The following TIGAR variants were observed in gnomAD, a reference collection of about 807,000 sequenced individuals.
TIGAR encodes the protein TP53 induced glycolysis regulatory phosphatase.
Under a neutral mutation model 17.9 loss-of-function variants are expected in TIGAR, and 7 were observed. The observed-to-expected ratio is 0.39, with a 90% confidence interval of 0.22 to 0.73. The LOEUF is 0.73. TIGAR is among the 30% of genes least tolerant of loss of function. The pLI is 0.42. For missense variants in TIGAR, 258 were observed against 327.4 expected, an observed-to-expected ratio of 0.79 and a Z score of 1.64; for synonymous variants, 94 against 108.6, an observed-to-expected ratio of 0.87 and a Z score of 0.84.
At chr12:4,324,718 T>A in intron 1 of TIGAR, 1 of 722,092 alleles carries the variant, frequency 1.4e-6, no homozygotes, top group Non-Finnish European at 2.2e-6. Context: ...CGTCAGCTGC[T>A]CGCAGGACAC....
intron 1 of TIGAR, among the ~76,000 whole-genome samples, chr12:4,329,771 G>GT (rs2120652835): frequency 6.6e-6 from 1 of 152,222 alleles, no homozygotes; most frequent in East Asian, 1.9e-4. Context: ...ATTCACTGAA[G>GT]TTCTGTCATT....
chr12:4,352,849 C>T lies in TIGAR; in HGVS notation c.*158C>T. The stretch of plus-strand genomic sequence containing the variant: ...AGCCACATAAAACTTTAATGGACAA[C>T]CATATAGAATTAACTTATTTTGTCC... On this transcript the variant is annotated 3_prime_UTR_variant, in exon 6 of 6. Transcript: ENST00000179259. The T allele has an allele frequency of 1.6e-6, 1 of 636,638 alleles. No homozygotes were observed. Among genetic ancestry groups the T allele is most frequent in the Non-Finnish European group, 2.6e-6 (1 of 379,134 alleles). The allele number at this position is 636,638 out of a possible 1,614,324, so 39.4% of individuals were successfully genotyped here.
chr12:4,348,894 C>T (rs1187621101), intron 3 of TIGAR, among the ~76,000 whole-genome samples: 1 of 152,134 alleles, frequency 6.6e-6, no homozygotes, highest in Non-Finnish European at 1.5e-5. Context: ...ACATGACTTA[C>T]CCGATGGAGT....
Position 4,352,601 on chromosome 12 carries a change from C to T in TIGAR, c.723C>T (p.Asn241=). The change falls in exon 6 of 6, where the codon AAC becomes AAT. Residue 241 remains asparagine (N), a synonymous_variant. Transcript: ENST00000179259. ...CAGGGATGAGTCTCTTTATCATAAACTTTGAGGAAGGAAGAGAAGTTAAAC... is the reference window on the plus strand; with the variant it reads ...CAGGGATGAGTCTCTTTATCATAAATTTTGAGGAAGGAAGAGAAGTTAAAC... The part of the protein sequence containing the change: ...PNTGMSLFII[N]FEEGREVKPT... 1.2e-6 allele frequency: 2 copies of T among 1,612,578 alleles called. No individual in the cohort carries two copies. Among genetic ancestry groups the T allele is most frequent in the Non-Finnish European group, 1.7e-6 (2 of 1,180,014 alleles).
In TIGAR at chr12:4,321,221, G is replaced by C. The variant is rs761117628; in HGVS notation, c.-51G>C. 1 of 1,598,562 alleles carries C rather than the reference G, an allele frequency of 6.3e-7. No individual in the cohort carries two copies. Among genetic ancestry groups the C allele is most frequent in the Non-Finnish European group, 8.5e-7 (1 of 1,179,024 alleles). On this transcript the variant is annotated 5_prime_UTR_variant, in exon 1 of 6. Transcript: ENST00000179259. This position sits in a 1 kb window ranked among gnomAD's most constrained non-coding sequence, Gnocchi z 5.2. ...AGTGGTGTGGGGGAGGTAGCCCGCA[G>C]TGCAGGGGCAGCGCGGCGCGGGGCC...
chr12:4,344,009 A>G (rs890854037), intron 3 of TIGAR, among the ~76,000 whole-genome samples: 13 of 152,316 alleles, frequency 8.5e-5, no homozygotes, highest in Non-Finnish European at 1.8e-4. Flanking sequence ...AAGAGAGAAG[A>G]ATCAAATGGA....
intron 4 of TIGAR, among the ~76,000 whole-genome samples, chr12:4,350,836 A>C (rs1476331295): frequency 6.6e-6 from 1 of 152,056 alleles, no homozygotes; most frequent in Non-Finnish European, 1.5e-5. Context: ...TCTGAAACTC[A>C]ACTTCCTTAT....
intron 3 of TIGAR, among the ~76,000 whole-genome samples, chr12:4,338,804 A>T (rs1397763390): frequency 6.6e-6 from 1 of 151,842 alleles, no homozygotes; most frequent in Admixed American, 6.6e-5. Flanking sequence ...ACGGTGAAAC[A>T]CCGTCTCCAC....
intron 1 of TIGAR, among the ~76,000 whole-genome samples, chr12:4,325,369 T>G (rs1240490995): frequency 6.6e-6 from 1 of 152,244 alleles, no homozygotes; most frequent in Non-Finnish European, 1.5e-5. Flanking sequence ...TTAGCTCATC[T>G]GTAATTTAGT....
At chr12:4,324,778 G>C (rs983139030) in intron 1 of TIGAR, 6 of 658,090 alleles carry the variant, frequency 9.1e-6, no homozygotes, top group African/African-American at 5.4e-5. Flanking sequence ...GTGAGTTTGC[G>C]GAAGGTCCGC....
intron 1 of TIGAR, chr12:4,324,348 T>G: frequency 1.2e-6 from 1 of 800,132 alleles, no homozygotes; most frequent in Non-Finnish European, 2.1e-6. Flanking sequence ...TTTGGAAATA[T>G]GTGTGCCTTT....
At chr12:4,325,046 G>A (rs1864529177) in intron 1 of TIGAR, among the ~76,000 whole-genome samples, 1 of 151,578 alleles carries the variant, frequency 6.6e-6, no homozygotes, top group Non-Finnish European at 1.5e-5. Context: ...GGGTTCAAGC[G>A]ATTCTCCTGC....
At position 4,333,294 on chromosome 12, in the gene TIGAR, C is replaced by CTT. The variant is rs34834660; in HGVS notation, c.70+1989_70+1990dup. On this transcript the variant is annotated intron_variant, in intron 2 of 5. Coordinates refer to ENST00000179259, the MANE Select transcript of TIGAR (RefSeq NM_020375.3). ...TCTTTTGAAAATATATATAAGTTGT[C>CTT]TTTTTTTTTTTTTGAGACAGAGTCT... Among the ~76,000 whole-genome samples the CTT allele has an allele frequency of 8.6e-3, 1,231 of 143,030 alleles. 16 individuals are homozygous for CTT. Among genetic ancestry groups the CTT allele is most frequent in the African/African-American group, 0.028 (1,083 of 38,820 alleles). The allele number at this position is 143,030 out of a possible 152,430, so 93.8% of individuals were successfully genotyped here. A position where few individuals can be genotyped will look rare whatever the true frequency, so the allele number is the denominator to read the frequency against.
rs1864942171 is a variant in TIGAR, at chr12:4,358,767, CTG to C, written c.*6082_*6083del. ...AATCAAGAATCCAATCAATCCAGGACTGTGTGTTGTGTTGCATTTAGTTGTCA... is the reference window on the plus strand; with the variant it reads ...AATCAAGAATCCAATCAATCCAGGACTGTGTTGTGTTGCATTTAGTTGTCA... On this transcript the variant is annotated 3_prime_UTR_variant, in exon 6 of 6. Coordinates refer to ENST00000179259, the MANE Select transcript of TIGAR (RefSeq NM_020375.3). Among the ~76,000 whole-genome samples the C allele has an allele frequency of 6.7e-6, 1 of 150,196 alleles. No homozygotes were observed.
In TIGAR at chr12:4,346,280, CAT is replaced by C. The variant is rs1864779280; in HGVS notation, c.193-3538_193-3537del. Among the ~76,000 whole-genome samples, 12 of 152,312 alleles carry C rather than the reference CAT, an allele frequency of 7.9e-5. 2 individuals carry two copies. The South Asian group carries it at 2.5e-3, about 32-fold the overall frequency. ...GGTATATACCCAAAGGATTATAAAT[CAT>C]GTGCTATAAAGACACATACACATGT... On this transcript the variant is annotated intron_variant, in intron 3 of 5. Transcript: ENST00000179259.
chr12:4,337,888 T>A (rs1864677703), intron 3 of TIGAR, among the ~76,000 whole-genome samples: 1 of 152,206 alleles, frequency 6.6e-6, no homozygotes, highest in Admixed American at 6.5e-5. Flanking sequence ...CCCTGCACTT[T>A]GGGAGGCCGA....
chr12:4,345,400 C>T (rs1396987294), intron 3 of TIGAR, among the ~76,000 whole-genome samples: 1 of 152,062 alleles, frequency 6.6e-6, no homozygotes, highest in Admixed American at 6.6e-5. Context: ...GGTACTGGTA[C>T]CAAAACAGAG....
At position 4,358,603 on chromosome 12, in the gene TIGAR, A is replaced by T. The variant is rs1019818653; in HGVS notation, c.*5912A>T. Among the ~76,000 whole-genome samples, 1 of 151,208 alleles carries T rather than the reference A, an allele frequency of 6.6e-6. No homozygotes were observed. The highest frequency in any genetic ancestry group is 1.5e-5 in the Non-Finnish European group (1 of 67,992). On this transcript the variant is annotated 3_prime_UTR_variant, in exon 6 of 6. Transcript: ENST00000179259. ...CAATGTGTGTTTCCTGAGATCAACAATGTTCTTATATATAACCCAGAATAA... is the reference window on the plus strand; with the variant it reads ...CAATGTGTGTTTCCTGAGATCAACATTGTTCTTATATATAACCCAGAATAA...
Position 4,354,103 on chromosome 12 carries a change from T to C in TIGAR, c.*1412T>C, listed in dbSNP as rs1191688519. 6.6e-6 allele frequency: 1 copy of C among 152,564 alleles called. No homozygotes were observed. The highest frequency in any genetic ancestry group is 1.5e-5 in the Non-Finnish European group (1 of 68,048). The allele number at this position is 152,564 out of a possible 1,614,324, so 9.5% of individuals were successfully genotyped here. The stretch of plus-strand genomic sequence containing the variant: ...CTGTGAGTCTCAACTTTAAAGAGGG[T>C]TAATACTAAAGTTGTCAGTTAAGGC... On this transcript the variant is annotated 3_prime_UTR_variant, in exon 6 of 6. Transcript: ENST00000179259.
Sources: gnomAD v4.1 joint callset for allele counts (sites outside exome capture counted in the v4.1 genomes callset) on GRCh38, gnomAD v4.1.1 for gene constraint, Gnocchi (gnomAD v3.1) non-coding constraint, MANE v1.5 for transcripts, NCBI Gene and HGNC (gene_info 2026-07-23, HGNC 2026-07-21) for gene names.